PTPRD: variants seen among roughly 807,000 people sequenced by gnomAD.
PTPRD encodes protein tyrosine phosphatase receptor type D.
PTPRD carries 34 observed loss-of-function variants against 214.5 expected under a neutral mutation model. The ratio of observed to expected loss-of-function variants is 0.16; its 90% CI spans 0.12 to 0.21. PTPRD has a LOEUF of 0.21. Among genes scored for constraint, PTPRD ranks in the 10% least tolerant of loss-of-function variants. The pLI, the probability that PTPRD is intolerant of heterozygous loss-of-function variation, is 1.00. For missense variants in PTPRD, 2,545 were observed against 2,398.7 expected (o/e 1.06, Z -1.27); for synonymous variants, 1,128 against 845.7 (o/e 1.33, Z -5.79).
At chr9:9,703,485 G>A (rs1375335439) in intron 7 of PTPRD, among the ~76,000 whole-genome samples, 1 of 152,052 alleles carries the variant, frequency 6.6e-6, no homozygotes, top group Non-Finnish European at 1.5e-5. Flanking sequence ...GTTACCAAAC[G>A]CAGAAACTTA....
intron 2 of PTPRD, among the ~76,000 whole-genome samples, chr9:10,563,149 G>A (rs2064512699): frequency 6.6e-6 from 1 of 152,234 alleles, no homozygotes; most frequent in East Asian, 1.9e-4. Context: ...AACATGCTAG[G>A]ACAAATACAG....
At chr9:9,283,289 T>C (rs1455238664) in intron 9 of PTPRD, among the ~76,000 whole-genome samples, 1 of 151,472 alleles carries the variant, frequency 6.6e-6, no homozygotes, top group Non-Finnish European at 1.5e-5. Flanking sequence ...TCATCTTCTA[T>C]AGAGAGCAAT....
At chr9:10,313,935 A>G (rs2096345402) in intron 3 of PTPRD, among the ~76,000 whole-genome samples, 1 of 151,902 alleles carries the variant, frequency 6.6e-6, no homozygotes, top group Admixed American at 6.6e-5. Flanking sequence ...TAGACAGATC[A>G]TTTATCACCC....
At chr9:9,461,535 G>C (rs1459544913) in intron 8 of PTPRD, among the ~76,000 whole-genome samples, 1 of 152,070 alleles carries the variant, frequency 6.6e-6, no homozygotes, top group Non-Finnish European at 1.5e-5. Context: ...ATGGAAGAAA[G>C]TTAATATGAA....
At chr9:8,506,012 T>C (rs1436156250) in intron 22 of PTPRD, among the ~76,000 whole-genome samples, 1 of 152,254 alleles carries the variant, frequency 6.6e-6, no homozygotes, top group African/African-American at 2.4e-5. Context: ...TTTGAGTGCT[T>C]GATTTATATT....
intron 3 of PTPRD, among the ~76,000 whole-genome samples, chr9:10,288,276 G>T (rs911013507): frequency 6.7e-6 from 1 of 149,738 alleles, no homozygotes; most frequent in African/African-American, 2.5e-5. Flanking sequence ...AGCAAAATTT[G>T]TTCATATTAT....
intron 9 of PTPRD, among the ~76,000 whole-genome samples, chr9:9,318,563 G>A (rs1205347083): frequency 6.6e-6 from 1 of 152,064 alleles, no homozygotes; most frequent in Non-Finnish European, 1.5e-5. Flanking sequence ...ATCTATCCTA[G>A]AAAACACTAG....
chr9:9,370,906 G>A (rs1384361710), intron 9 of PTPRD, among the ~76,000 whole-genome samples: 2 of 152,046 alleles, frequency 1.3e-5, no homozygotes, highest in Non-Finnish European at 2.9e-5. Flanking sequence ...TTATATGCTG[G>A]ATTACATTTA....
At chr9:10,012,079 T>C (rs2096612058) in intron 4 of PTPRD, among the ~76,000 whole-genome samples, 1 of 151,996 alleles carries the variant, frequency 6.6e-6, no homozygotes, top group African/African-American at 2.4e-5. Context: ...TGAAAAGTAC[T>C]AACATATGTA....
intron 8 of PTPRD, among the ~76,000 whole-genome samples, chr9:9,402,966 G>GCAAAAAAAAA (rs770003250): frequency 3.8e-5 from 3 of 78,590 alleles, no homozygotes; most frequent in African/African-American, 5.1e-5. Flanking sequence ...CTAATAGGGA[G>GCAAAAAAAAA]AAAAAAAAAA....
At chr9:9,374,584 C>T (rs1051376036) in intron 9 of PTPRD, among the ~76,000 whole-genome samples, 1 of 152,130 alleles carries the variant, frequency 6.6e-6, no homozygotes, top group Non-Finnish European at 1.5e-5. Flanking sequence ...AATGCTTCCA[C>T]TGAATTAAGT....
chr9:9,706,783 C>T (rs1239519103), intron 7 of PTPRD, among the ~76,000 whole-genome samples: 1 of 151,938 alleles, frequency 6.6e-6, no homozygotes, highest in Non-Finnish European at 1.5e-5. Flanking sequence ...AATAATTTGT[C>T]CACCGGAAAC....
At chr9:9,096,156 C>T (rs1230950707) in intron 10 of PTPRD, among the ~76,000 whole-genome samples, 1 of 152,138 alleles carries the variant, frequency 6.6e-6, no homozygotes, top group Non-Finnish European at 1.5e-5. Flanking sequence ...ATTTCATGTG[C>T]AACATGAGGA....
chr9:9,803,093 T>A (rs1264260393), intron 5 of PTPRD, among the ~76,000 whole-genome samples: 2 of 152,026 alleles, frequency 1.3e-5, no homozygotes, highest in Middle Eastern at 3.4e-3. Flanking sequence ...AATTTAAAAA[T>A]CTATAATTAG....
rs1227805806 is a variant in PTPRD at position 9,871,279 on chromosome 9, A to G, written c.-368+67228T>C. ...ATTTTAGCTTCATGAAATAGCAAAAATAACAGTAAGACCAAAAGGGTAGGT... is the reference window on the plus strand; with the variant it reads ...ATTTTAGCTTCATGAAATAGCAAAAGTAACAGTAAGACCAAAAGGGTAGGT... On this transcript the variant is annotated intron_variant, in intron 5 of 45. Transcript: ENST00000381196. Among the ~76,000 whole-genome samples, 6 of 152,360 alleles carry G rather than the reference A, an allele frequency of 3.9e-5. No individual in the cohort carries two copies. In the East Asian group the frequency reaches 5.8e-4, roughly 15 times the overall value.
intron 2 of PTPRD, among the ~76,000 whole-genome samples, chr9:10,471,081 C>T (rs201525523): frequency 4.3e-4 from 65 of 151,928 alleles, no homozygotes; most frequent in African/African-American, 1.2e-3. Flanking sequence ...CACTTATAAG[C>T]GGGAGTTGAA....
chr9:8,834,237 G>C (rs1470166208), intron 11 of PTPRD, among the ~76,000 whole-genome samples: 1 of 151,974 alleles, frequency 6.6e-6, no homozygotes, highest in African/African-American at 2.4e-5. Flanking sequence ...AACAGACAAG[G>C]AAGCTTTCTT....
chr9:10,006,880 G>A (rs967097047), intron 4 of PTPRD, among the ~76,000 whole-genome samples: 2 of 151,752 alleles, frequency 1.3e-5, no homozygotes, highest in African/African-American at 2.4e-5. Context: ...AGGCTATTCT[G>A]ACATTTTACA....
At chr9:9,917,315 A>AG (rs200437364) in intron 5 of PTPRD, among the ~76,000 whole-genome samples, 2,286 of 147,612 alleles carry the variant, frequency 0.015, 83 homozygotes, top group African/African-American at 0.053. Context: ...AAAAAAAAAA[A>AG]AAAAAAAAGA....
Sources: allele counts gnomAD v4.1 joint callset (sites outside exome capture counted in the v4.1 genomes callset), GRCh38; gene constraint gnomAD v4.1.1; transcripts MANE v1.5; gene names NCBI Gene and HGNC (gene_info 2026-07-23, HGNC 2026-07-21).